The following ADAMTS19 variants were observed in gnomAD, a reference collection of about 807,000 sequenced individuals.
The protein encoded by ADAMTS19 is A disintegrin and metalloproteinase with thrombospondin motifs 19.
Under a neutral mutation model 153.3 loss-of-function variants are expected in ADAMTS19, and 93 were observed. The ratio of observed to expected loss-of-function variants is 0.61; its 90% CI spans 0.51 to 0.72. The LOEUF (loss-of-function observed/expected upper bound fraction) is 0.72. ADAMTS19 is among the 30% of genes least tolerant of loss of function. The pLI, the probability that ADAMTS19 is intolerant of heterozygous loss-of-function variation, is 0.00. For synonymous variants in ADAMTS19, 600 were observed against 556.6 expected (o/e 1.08, Z -1.10); for missense variants, 1,482 against 1,552.1 (o/e 0.95, Z 0.76).
At chr5:129,533,927 G>A (rs1018829248) in intron 6 of ADAMTS19, among the ~76,000 whole-genome samples, 1 of 152,032 alleles carries the variant, frequency 6.6e-6, no homozygotes, top group Admixed American at 6.6e-5. Flanking sequence ...TCTTAATCCT[G>A]AGTTCTAGTT....
At chr5:129,492,827 T>C (rs1325894817) in intron 2 of ADAMTS19, among the ~76,000 whole-genome samples, 1 of 152,180 alleles carries the variant, frequency 6.6e-6, no homozygotes, top group Admixed American at 6.5e-5. Flanking sequence ...ATTTAGACTA[T>C]ATAATGTGTT....
chr5:129,627,616 A>T (rs1561612797), intron 10 of ADAMTS19, among the ~76,000 whole-genome samples: 1 of 151,756 alleles, frequency 6.6e-6, no homozygotes, highest in South Asian at 2.1e-4. Context: ...GGAAAAACCG[A>T]CCCCATTAAA....
intron 2 of ADAMTS19, among the ~76,000 whole-genome samples, chr5:129,508,025 G>A (rs1218408852): frequency 6.6e-6 from 1 of 151,500 alleles, no homozygotes; most frequent in Non-Finnish European, 1.5e-5. Context: ...TTTCCTTCAG[G>A]ATATATGTAT....
At chr5:129,570,623 G>GA (rs1371058789) in intron 7 of ADAMTS19, among the ~76,000 whole-genome samples, 1 of 72,006 alleles carries the variant, frequency 1.4e-5, no homozygotes, top group Non-Finnish European at 4.3e-5. Context: ...AGGAGTACAG[G>GA]AAAAAAATTA....
chr5:129,579,617 A>C (rs1749405561), intron 7 of ADAMTS19, among the ~76,000 whole-genome samples: 1 of 152,124 alleles, frequency 6.6e-6, no homozygotes, highest in African/African-American at 2.4e-5. Context: ...ATTTTTGTAT[A>C]AGGTGTAAGG....
At chr5:129,714,183 G>T (rs532630048) in intron 21 of ADAMTS19, among the ~76,000 whole-genome samples, 2 of 152,072 alleles carry the variant, frequency 1.3e-5, no homozygotes, top group African/African-American at 4.8e-5. Context: ...ACTTTGGGAG[G>T]CCGAGGCGGG....
intron 19 of ADAMTS19, among the ~76,000 whole-genome samples, chr5:129,695,187 C>T (rs1313511451): frequency 2.0e-5 from 3 of 152,120 alleles, no homozygotes; most frequent in African/African-American, 7.2e-5. Context: ...TTCTCCAAAA[C>T]GGTGTGTTAG....
chr5:129,634,267 A>G (rs535865911), intron 10 of ADAMTS19, among the ~76,000 whole-genome samples: 10 of 152,276 alleles, frequency 6.6e-5, no homozygotes, highest in African/African-American at 1.7e-4. Context: ...AATAGAAAAT[A>G]CTGCTCAAAG....
Position 129,622,330 on chromosome 5 carries a change from T to C in ADAMTS19, c.1752T>C (p.Ser584=). ...AGATCCTTTTTGGGCCATTGGCTTC[T>C]TTTTGTCAGGAGATGCAGGTAAAGA... The part of the protein sequence containing the change: ...QCQILFGPLA[S]FCQEMQHVIC... Residue 584 remains serine, a synonymous_variant, in exon 10 of 23, where the codon TCT becomes TCC. Coordinates refer to ENST00000274487, the MANE Select transcript of ADAMTS19 (RefSeq NM_133638.6). 7.4e-6 allele frequency: 12 copies of C among 1,614,056 alleles called. No homozygotes were observed. The highest frequency in any genetic ancestry group is 1.1e-5 in the South Asian group (1 of 91,080).
chr5:129,710,174 C>T (rs893642499), intron 21 of ADAMTS19, among the ~76,000 whole-genome samples: 2 of 152,074 alleles, frequency 1.3e-5, no homozygotes, highest in African/African-American at 4.8e-5. Context: ...CTCCCTGGTC[C>T]ATGTGTTCTC....
At chr5:129,730,480 T>C (rs541012731) in intron 21 of ADAMTS19, among the ~76,000 whole-genome samples, 1 of 152,286 alleles carries the variant, frequency 6.6e-6, no homozygotes, top group East Asian at 1.9e-4. Flanking sequence ...TAAGCTATTG[T>C]CATAACAGAA....
At chr5:129,674,937 T>C (rs1418266106) in intron 16 of ADAMTS19, among the ~76,000 whole-genome samples, 1 of 152,164 alleles carries the variant, frequency 6.6e-6, no homozygotes, top group Non-Finnish European at 1.5e-5. Flanking sequence ...ATAGAGTAAG[T>C]CTCCTGACAT....
At chr5:129,686,655 A>G (rs1031802824) in intron 18 of ADAMTS19, among the ~76,000 whole-genome samples, 6 of 152,182 alleles carry the variant, frequency 3.9e-5, no homozygotes, top group Admixed American at 2.6e-4. Flanking sequence ...TGCCAAGAAT[A>G]TTCAAGGAGC....
At chr5:129,689,115 A>C (rs1755218960) in intron 18 of ADAMTS19, among the ~76,000 whole-genome samples, 1 of 152,212 alleles carries the variant, frequency 6.6e-6, no homozygotes, top group South Asian at 2.1e-4. Flanking sequence ...AAATTCAATA[A>C]CCCCTTATGA....
intron 21 of ADAMTS19, among the ~76,000 whole-genome samples, chr5:129,732,482 G>T (rs535857596): frequency 6.6e-6 from 1 of 152,162 alleles, no homozygotes; most frequent in South Asian, 2.1e-4. Flanking sequence ...GAAGTTTCAG[G>T]ATACAAAATC....
chr5:129,460,576 G>T, intron 1 of ADAMTS19, 94 bp downstream of exon 1: 1 of 1,386,994 alleles, frequency 7.2e-7, no homozygotes, highest in Non-Finnish European at 1.0e-6. Context: ...ACCGGTGCGT[G>T]GAGAGCAGGG....
At chr5:129,525,002 A>G (rs1279227851) in intron 3 of ADAMTS19, among the ~76,000 whole-genome samples, 1 of 152,108 alleles carries the variant, frequency 6.6e-6, no homozygotes, top group Non-Finnish European at 1.5e-5. Context: ...ATAGTTTCAC[A>G]TGTTACAGCA....
At chr5:129,467,899 A>C (rs1749925109) in intron 2 of ADAMTS19, among the ~76,000 whole-genome samples, 1 of 152,224 alleles carries the variant, frequency 6.6e-6, no homozygotes, top group African/African-American at 2.4e-5. Flanking sequence ...TAGTTTATGC[A>C]TAGACAAATA....
At chr5:129,508,043 A>G (rs1033303299) in intron 2 of ADAMTS19, among the ~76,000 whole-genome samples, 10 of 152,138 alleles carry the variant, frequency 6.6e-5, no homozygotes, top group African/African-American at 2.2e-4. Context: ...TATTTGTTTA[A>G]TTTTCACTTT....
Sources: allele counts gnomAD v4.1 joint callset (sites outside exome capture counted in the v4.1 genomes callset), GRCh38; gene constraint gnomAD v4.1.1; transcripts MANE v1.5; gene names NCBI Gene and HGNC (gene_info 2026-07-23, HGNC 2026-07-21).